The following SLC44A2 variants were observed in gnomAD, a reference collection of about 807,000 sequenced individuals.
SLC44A2 encodes the protein solute carrier family 44 member 2 (CTL2 blood group).
SLC44A2 carries 57 observed loss-of-function variants against 90.8 expected under a neutral mutation model. That is an observed-to-expected ratio of 0.63 (90% CI 0.51 to 0.78). SLC44A2 has a LOEUF of 0.78. SLC44A2 is among the 30% of genes least tolerant of loss of function. The pLI is 0.00. For synonymous variants in SLC44A2, 355 were observed against 360.7 expected, an observed-to-expected ratio of 0.98 and a Z score of 0.18; for missense variants, 794 against 919.7, an observed-to-expected ratio of 0.86 and a Z score of 1.77.
chr19:10,610,231 A>G (rs942442624), intron 1 of SLC44A2, among the ~76,000 whole-genome samples: 2 of 151,902 alleles, frequency 1.3e-5, no homozygotes, highest in Admixed American at 1.3e-4. Flanking sequence ...ATGACAGATG[A>G]TATGTGAACC....
intron 1 of SLC44A2, among the ~76,000 whole-genome samples, chr19:10,603,989 C>A (rs1844399860): frequency 6.6e-6 from 1 of 152,218 alleles, no homozygotes; most frequent in Non-Finnish European, 1.5e-5. Context: ...GGCAGACCTC[C>A]CAGGCCCACA....
At chr19:10,620,882 T>A (rs1037586183), upstream of SLC44A2, among the ~76,000 whole-genome samples, 5 of 152,004 alleles carry the variant, frequency 3.3e-5, no homozygotes, top group East Asian at 3.9e-4. Context: ...CTACAAAAAA[T>A]TTTAAAATTA....
At chr19:10,625,739 C>T (rs1599241394) in intron 1 of SLC44A2, 69 bp downstream of exon 1, 1 of 1,194,904 alleles carries the variant, frequency 8.4e-7, no homozygotes, top group South Asian at 4.0e-5. Flanking sequence ...CTTGAGAGAA[C>T]ATGGGGCGCA....
At chr19:10,643,231 G>A in intron 21 of SLC44A2, 48 bp from the exon 22 acceptor site, 2 of 1,574,088 alleles carry the variant, frequency 1.3e-6, no homozygotes, top group Admixed American at 1.8e-5. Flanking sequence ...TGAGGCCCCT[G>A]CCCGTGGGCT....
At chr19:10,618,270 G>A (rs1250860657) in intron 1 of SLC44A2, among the ~76,000 whole-genome samples, 1 of 150,882 alleles carries the variant, frequency 6.6e-6, no homozygotes, top group Non-Finnish European at 1.5e-5. Context: ...CACCTCCCGG[G>A]TTCACGCCAT....
chr19:10,623,713 G>A (rs1218134877), upstream of SLC44A2, among the ~76,000 whole-genome samples: 3 of 149,752 alleles, frequency 2.0e-5, no homozygotes, highest in Admixed American at 6.7e-5. Flanking sequence ...TTTTTGAGGC[G>A]GAGTCTCGCT....
At position 10,631,525 on chromosome 19, in the gene SLC44A2, C is replaced by T. The variant is rs1158121970; in HGVS notation, c.492C>T (p.Pro164=). ...QDGDCPAVLI[P]SKPLARRCFP... ...GTGACTGCCCTGCTGTCCTCATCCC[C>T]AGCAAACCCTGTGAGTCAGGGGATC... is the stretch of plus-strand genomic sequence containing the variant. The change falls in exon 7 of 22, where the codon CCC becomes CCT. Residue 164 remains proline, a synonymous_variant. Coordinates refer to ENST00000335757, the MANE Select transcript of SLC44A2 (RefSeq NM_020428.4). 5 of 1,614,048 alleles carry T rather than the reference C, an allele frequency of 3.1e-6. No homozygotes were observed. Among genetic ancestry groups the T allele is most frequent in the Non-Finnish European group, 4.2e-6 (5 of 1,180,042 alleles).
chr19:10,638,483 G>A (rs2067082872), intron 20 of SLC44A2, among the ~76,000 whole-genome samples, 168 bp downstream of exon 20: 4 of 152,028 alleles, frequency 2.6e-5, no homozygotes. Flanking sequence ...TTGCCCTGTC[G>A]CCCTGACTGG....
chr19:10,638,802 C>CTTT (rs769937779), intron 20 of SLC44A2, among the ~76,000 whole-genome samples: 1 of 136,588 alleles, frequency 7.3e-6, no homozygotes, highest in Non-Finnish European at 1.6e-5. Context: ...ACCTGGCTAA[C>CTTT]TTTTTTTTTT....
chr19:10,625,357 G>A, upstream of SLC44A2: 1 of 783,422 alleles, frequency 1.3e-6, no homozygotes, highest in Non-Finnish European at 1.7e-6. Context: ...TTCCCAGGGT[G>A]AAGCCGCAGG....
At chr19:10,634,075 A>G (rs1480191469) in intron 10 of SLC44A2, among the ~76,000 whole-genome samples, 1 of 147,118 alleles carries the variant, frequency 6.8e-6, no homozygotes, top group Non-Finnish European at 1.5e-5. Context: ...GGTTCAAGCA[A>G]TTCTCCTACC....
intron 21 of SLC44A2, chr19:10,642,960 G>T (rs1475666078): frequency 6.3e-7 from 1 of 1,592,578 alleles, no homozygotes; most frequent in Non-Finnish European, 8.5e-7. Flanking sequence ...CCCGAGCTGA[G>T]AGACATCCTG....
intron 10 of SLC44A2, among the ~76,000 whole-genome samples, chr19:10,632,677 C>CT (rs35340369): frequency 2.7e-5 from 4 of 146,542 alleles, no homozygotes; most frequent in Non-Finnish European, 3.0e-5. Flanking sequence ...CAATTTCTTT[C>CT]TTTTTTTTTT....
chr19:10,642,368 C>G lies in SLC44A2; in HGVS notation c.1931C>G (p.Thr644Arg). The G allele has an allele frequency of 1.2e-6, 2 of 1,614,012 alleles. No homozygotes were observed. The highest frequency in any genetic ancestry group is 1.7e-6 in the Non-Finnish European group (2 of 1,179,956). ...PLNYYWVPIL[T>R]VIVGSYLIAH... ...GACAGCTCGTTTCTCCTTGCCCAGA[C>G]GGTGATCGTTGGCTCCTACTTGATT... is the stretch of plus-strand genomic sequence containing the variant. Residue 644 changes from threonine (T) to arginine (R), a missense_variant and splice_region_variant, in exon 21 of 22, where the codon ACG becomes AGG. By Grantham distance (71) the Thr-to-Arg change is moderately conservative. Transcript: ENST00000335757.
intron 20 of SLC44A2, among the ~76,000 whole-genome samples, chr19:10,641,989 G>A (rs550157416): frequency 5.9e-5 from 9 of 151,806 alleles, no homozygotes; most frequent in South Asian, 2.1e-4. Flanking sequence ...GTGAAACCCC[G>A]TCTCTACTAA....
At chr19:10,614,900 G>A (rs1288670830) in intron 1 of SLC44A2, among the ~76,000 whole-genome samples, 4 of 150,564 alleles carry the variant, frequency 2.7e-5, no homozygotes, top group Admixed American at 1.3e-4. Context: ...GAACCCGGGA[G>A]GTAGAGGTCA....
rs73923267 is a variant in SLC44A2, at chr19:10,625,973, G to C, written c.38-280G>C. ...ATCTTCCCCATCTCCACCTGGTTCC[G>C]TGGTGGTCACCATTTCAGCCCTCTT... On this transcript the variant is annotated intron_variant, in intron 1 of 21. Transcript: ENST00000335757. Among the ~76,000 whole-genome samples the C allele has an allele frequency of 2.8e-3, 422 of 152,126 alleles. 3 individuals are homozygous for C. Among genetic ancestry groups the C allele is most frequent in the Middle Eastern group, 0.01 (3 of 294 alleles).
Position 10,638,013 on chromosome 19 carries a change from T to A in SLC44A2, c.1770-10T>A. 1 of 1,614,014 alleles carries A rather than the reference T, an allele frequency of 6.2e-7. No individual in the cohort carries two copies. The highest frequency in any genetic ancestry group is 8.5e-7 in the Non-Finnish European group (1 of 1,179,980). On this transcript the variant is annotated splice_polypyrimidine_tract_variant and intron_variant, in intron 18 of 21. Coordinates refer to ENST00000335757, the MANE Select transcript of SLC44A2 (RefSeq NM_020428.4). The stretch of plus-strand genomic sequence containing the variant: ...CAGCATTCACACCTGCCCCTCACTG[T>A]CCCCTGCAGAGTGGCTGTCCTGGAT...
intron 20 of SLC44A2, among the ~76,000 whole-genome samples, chr19:10,638,538 G>A (rs994505588): frequency 1.3e-5 from 2 of 152,118 alleles, no homozygotes; most frequent in Non-Finnish European, 2.9e-5. Flanking sequence ...CTGCCTTCCG[G>A]GTTCAAGCGA....
Sources: gnomAD v4.1 joint callset for allele counts (sites outside exome capture counted in the v4.1 genomes callset) on GRCh38, gnomAD v4.1.1 for gene constraint, MANE v1.5 for transcripts, NCBI Gene and HGNC (gene_info 2026-07-23, HGNC 2026-07-21) for gene names.